Variants in NUP214 observed in about 807,000 individuals in gnomAD.
The protein encoded by NUP214 is nucleoporin 214.
In NUP214, 79 loss-of-function variants were observed where a neutral mutation model predicts 196.2. The ratio of observed to expected loss-of-function variants is 0.40; its 90% CI spans 0.34 to 0.49. The LOEUF (loss-of-function observed/expected upper bound fraction) is 0.49, where lower values mean the gene tolerates loss of function less well. NUP214 is among the 20% of genes least tolerant of loss of function. The pLI is 0.58. For synonymous variants in NUP214, 1,020 were observed against 990.5 expected, an observed-to-expected ratio of 1.03 and a Z score of -0.56; for missense variants, 2,468 against 2,539.0, an observed-to-expected ratio of 0.97 and a Z score of 0.60.
intron 12 of NUP214, among the ~76,000 whole-genome samples, chr9:131,145,741 A>G (rs1348027017): frequency 6.6e-6 from 1 of 152,228 alleles, no homozygotes; most frequent in Non-Finnish European, 1.5e-5. Context: ...TCACTCTCAA[A>G]ACGAGTTCTC....
chr9:131,192,485 T>G, intron 27 of NUP214, 193 bp downstream of exon 27: 1 of 424,636 alleles, frequency 2.4e-6, no homozygotes, highest in South Asian at 5.3e-5. Context: ...GCAATTCAAG[T>G]TAATACTTGT....
At chr9:131,175,148 A>C (rs1369664508) in intron 22 of NUP214, among the ~76,000 whole-genome samples, 1 of 152,222 alleles carries the variant, frequency 6.6e-6, no homozygotes, top group Non-Finnish European at 1.5e-5. Flanking sequence ...CAGCAGAGAA[A>C]AATACCAGTG....
intron 30 of NUP214, among the ~76,000 whole-genome samples, chr9:131,213,739 A>G (rs2131077078): frequency 7.3e-6 from 1 of 137,420 alleles, no homozygotes; most frequent in South Asian, 2.5e-4. Flanking sequence ...AAATGGTTGT[A>G]GTGAATTGGT....
At chr9:131,217,153 G>A (rs1439510894) in intron 31 of NUP214, among the ~76,000 whole-genome samples, 1 of 152,098 alleles carries the variant, frequency 6.6e-6, no homozygotes, top group Non-Finnish European at 1.5e-5. Context: ...TTTTAGTTCA[G>A]CCTGGGCAAC....
At chr9:131,168,115 C>T (rs1438426608) in intron 21 of NUP214, among the ~76,000 whole-genome samples, 1 of 152,210 alleles carries the variant, frequency 6.6e-6, no homozygotes, top group Non-Finnish European at 1.5e-5. Flanking sequence ...ATCTTGAACT[C>T]CTGGCCTTAC....
chr9:131,193,629 C>CTTTTTTTTTTTTTTTTTTTTTGTTT (rs1833679956), intron 27 of NUP214, among the ~76,000 whole-genome samples: 1 of 28,218 alleles, frequency 3.5e-5, no homozygotes, highest in Non-Finnish European at 6.5e-5. Flanking sequence ...TCTTCCTTTT[C>CTTTTTTTTTTTTTTTTTTTTTGTTT]TTTTTTTTTT....
chr9:131,183,583 A>G (rs1275088687), intron 24 of NUP214, among the ~76,000 whole-genome samples: 2 of 152,178 alleles, frequency 1.3e-5, no homozygotes, highest in African/African-American at 2.4e-5. Context: ...TGTCTGCAGA[A>G]GTCTTTATTT....
In NUP214 at chr9:131,187,383, CTTTTTTTTTT is replaced by C; in HGVS notation, c.3495+31_3495+40del. On this transcript the variant is annotated intron_variant, in intron 25 of 35. Transcript: ENST00000359428. ...CAAGCAGGTAACTTACTGATTTTTA[CTTTTTTTTTT>C]TTTTTTTTTTTGAGACAGAGTCTTA... The C allele has an allele frequency of 2.8e-6, 3 of 1,056,474 alleles. No individual in the cohort carries two copies. The highest frequency in any genetic ancestry group is 3.9e-6 in the Non-Finnish European group (3 of 769,270). 65.4% of individuals were successfully genotyped at this position (1,056,474 alleles called of 1,614,324 possible). A position where few individuals can be genotyped will look rare whatever the true frequency, so the allele number is the denominator to read the frequency against.
At position 131,193,502 on chromosome 9, in the gene NUP214, T is replaced by C. The variant is rs7863133; in HGVS notation, c.3659+1210T>C. On this transcript the variant is annotated intron_variant, in intron 27 of 35. Coordinates refer to ENST00000359428, the MANE Select transcript of NUP214 (RefSeq NM_005085.4). ...ATATTTTTTCTTTATTATAAATCAT[T>C]ATGTTTTATGCTTCCCAAAGGTAAT... Among the ~76,000 whole-genome samples, 679 of 151,974 alleles carry C rather than the reference T, an allele frequency of 4.5e-3. 8 individuals carry two copies. Among genetic ancestry groups the C allele is most frequent in the African/African-American group, 0.016 (661 of 41,486 alleles).
intron 32 of NUP214, among the ~76,000 whole-genome samples, chr9:131,226,957 G>C (rs1834740741): frequency 1.3e-5 from 2 of 152,164 alleles, no homozygotes; most frequent in Non-Finnish European, 2.9e-5. Flanking sequence ...TTTCTGAAAG[G>C]GGAGAAAAGG....
chr9:131,167,936 G>A (rs2133568648), intron 21 of NUP214, among the ~76,000 whole-genome samples: 1 of 152,338 alleles, frequency 6.6e-6, no homozygotes, highest in South Asian at 2.1e-4. Context: ...CCAGGCTGGA[G>A]TGTAGTGGTG....
Position 131,197,624 on chromosome 9 carries a change from C to G in NUP214, c.4130C>G (p.Pro1377Arg), listed in dbSNP as rs772070449. 2 of 1,614,140 alleles carry G rather than the reference C, an allele frequency of 1.2e-6. No individual in the cohort carries two copies. The highest frequency in any genetic ancestry group is 1.7e-6 in the Non-Finnish European group (2 of 1,180,018). Residue 1377 changes from proline to arginine, a missense_variant, in exon 29 of 36, where the codon CCC becomes CGC. Around this residue, in one of 5 missense-constraint regions of NUP214, gnomAD observed 1,801 missense variants for 1,779.4 expected, o/e 1.01. Coordinates refer to ENST00000359428, the MANE Select transcript of NUP214 (RefSeq NM_005085.4). ...GVPSGFNFTAPPVLGKHTEPP... is the reference protein window; with the variant it reads ...GVPSGFNFTARPVLGKHTEPP... ...CCCTCAGGGTTTAATTTTACTGCCCCCCCGGTGTTAGGGAAGCACACGGAG... is the reference window on the plus strand; with the variant it reads ...CCCTCAGGGTTTAATTTTACTGCCCGCCCGGTGTTAGGGAAGCACACGGAG...
chr9:131,157,217 C>T (rs188539662), intron 17 of NUP214, among the ~76,000 whole-genome samples: 87 of 151,622 alleles, frequency 5.7e-4, no homozygotes, highest in Middle Eastern at 3.4e-3. Flanking sequence ...GTGTGTGGTG[C>T]GGTGGCACGA....
chr9:131,192,969 G>T (rs774232222), intron 27 of NUP214, among the ~76,000 whole-genome samples: 5 of 109,844 alleles, frequency 4.6e-5, no homozygotes, highest in Non-Finnish European at 7.9e-5. Flanking sequence ...AAAAAAAAAA[G>T]GCTTACTGCA....
At position 131,197,418 on chromosome 9, in the gene NUP214, T is replaced by C; in HGVS notation, c.3924T>C (p.Ser1308=). ...GAACTGCTCTTTCCACCACCTCTAG[T>C]AAGCTGGAAACCCCACCGTCCAAGC... ...PSGTALSTTS[S]KLETPPSKLG... is the part of the protein sequence containing the mutation. The change falls in exon 29 of 36, where the codon AGT becomes AGC. Residue 1308 remains serine, a synonymous_variant. Coordinates refer to ENST00000359428, the MANE Select transcript of NUP214 (RefSeq NM_005085.4). 1 of 1,614,158 alleles carries C rather than the reference T, an allele frequency of 6.2e-7. No homozygotes were observed. Among genetic ancestry groups the C allele is most frequent in the Non-Finnish European group, 8.5e-7 (1 of 1,180,018 alleles).
chr9:131,174,398 C>CGTA, intron 22 of NUP214, 80 bp downstream of exon 22: 1 of 1,302,482 alleles, frequency 7.7e-7, no homozygotes, highest in Non-Finnish European at 1.1e-6. Flanking sequence ...GGGTCTTATA[C>CGTA]TGTCACACCA....
chr9:131,184,678 C>CTTTGA (rs766817569), intron 24 of NUP214, among the ~76,000 whole-genome samples: 6 of 152,096 alleles, frequency 3.9e-5, no homozygotes, highest in African/African-American at 7.2e-5. Flanking sequence ...AGCTCTAATG[C>CTTTGA]AATTCCGTCT....
rs1417932588 is a variant in NUP214 at position 131,197,710 on chromosome 9, TC to T, written c.4218del (p.Ser1407GlnfsTer26). 8 of 1,614,062 alleles carry T rather than the reference TC, an allele frequency of 5.0e-6. No individual in the cohort carries two copies. Among genetic ancestry groups the T allele is most frequent in the Non-Finnish European group, 2.5e-6 (3 of 1,180,034 alleles). ...SVAPPAATST[S>X]STAVFGSLPV... ...AGCACCACCAGCAGCCACCAGCACTTCCTCAACTGCCGTTTTTGGCAGTCTG... is the reference window on the plus strand; with the variant it reads ...AGCACCACCAGCAGCCACCAGCACTTCTCAACTGCCGTTTTTGGCAGTCTG... On this transcript the variant is annotated frameshift_variant, in exon 29 of 36. Transcript: ENST00000359428. LOFTEE classifies it high-confidence loss of function.
At position 131,198,394 on chromosome 9, in the gene NUP214, G is replaced by T; in HGVS notation, c.4900G>T (p.Ala1634Ser). Residue 1634 changes from alanine (A) to serine (S), a missense_variant, in exon 29 of 36, where the codon GCA becomes TCA. Physicochemically the swap from Ala to Ser is moderately conservative, Grantham distance 99. Coordinates refer to ENST00000359428, the MANE Select transcript of NUP214 (RefSeq NM_005085.4). ...TCCCGGCCCATCTGCAGAGGCAGCA[G>T]CATTTGGTACCGTCACTTCTGGCTC... The part of the protein sequence containing the change: ...VAPGPSAEAA[A>S]FGTVTSGSSV... 6.2e-7 allele frequency: 1 copy of T among 1,614,274 alleles called. No individual in the cohort carries two copies. The highest frequency in any genetic ancestry group is 1.7e-5 in the Admixed American group (1 of 60,032).
Sources: allele counts gnomAD v4.1 joint callset (sites outside exome capture counted in the v4.1 genomes callset), GRCh38; gene constraint gnomAD v4.1.1; regional missense constraint gnomAD v4.1.1; transcripts MANE v1.5; gene names NCBI Gene and HGNC (gene_info 2026-07-23, HGNC 2026-07-21).